ACOT7: variants seen among roughly 807,000 people sequenced by gnomAD.
The protein encoded by ACOT7 is cytosolic acyl coenzyme A thioester hydrolase.
A neutral mutation model predicts 40.2 loss-of-function variants in ACOT7; 12 were observed. That is an observed-to-expected ratio of 0.30 (90% CI 0.19 to 0.48). The LOEUF (loss-of-function observed/expected upper bound fraction) is 0.48, where lower values mean the gene tolerates loss of function less well. ACOT7 is among the 20% of genes least tolerant of loss of function. The pLI, the probability that ACOT7 is intolerant of heterozygous loss-of-function variation, is 0.99. For missense variants in ACOT7, 395 were observed against 530.8 expected (o/e 0.74, Z 2.51); for synonymous variants, 228 against 219.5 (o/e 1.04, Z -0.34).
chr1:6,353,845 C>T (rs1215752332), intron 1 of ACOT7, among the ~76,000 whole-genome samples: 1 of 152,044 alleles, frequency 6.6e-6, no homozygotes, highest in African/African-American at 2.4e-5. Flanking sequence ...CTCCTCTGAC[C>T]CCAGAAACTT....
chr1:6,290,715 C>T (rs1238337356), intron 7 of ACOT7, among the ~76,000 whole-genome samples: 6 of 152,190 alleles, frequency 3.9e-5, no homozygotes, highest in Non-Finnish European at 8.8e-5. Flanking sequence ...ACGTCACATC[C>T]GTTCTCACTT....
intron 1 of ACOT7, among the ~76,000 whole-genome samples, chr1:6,366,353 T>C (rs1468625191): frequency 2.0e-5 from 3 of 151,398 alleles, no homozygotes; most frequent in Non-Finnish European, 3.0e-5. Flanking sequence ...GACCCCGAGG[T>C]GGGAGAATCG....
chr1:6,323,308 G>C (rs1340549408), intron 5 of ACOT7, among the ~76,000 whole-genome samples: 1 of 152,126 alleles, frequency 6.6e-6, no homozygotes, highest in Non-Finnish European at 1.5e-5. Flanking sequence ...CAGTCATTTC[G>C]TGGCCCAGTG....
At chr1:6,354,645 T>C (rs1641688567) in intron 1 of ACOT7, among the ~76,000 whole-genome samples, 1 of 149,586 alleles carries the variant, frequency 6.7e-6, no homozygotes, top group African/African-American at 2.5e-5. Context: ...GCCTCTGCAC[T>C]GGCCTCTCAC....
chr1:6,269,402 C>T (rs1228333658), intron 8 of ACOT7, among the ~76,000 whole-genome samples: 2 of 152,204 alleles, frequency 1.3e-5, no homozygotes, highest in Non-Finnish European at 2.9e-5. Flanking sequence ...CTCCCCCAGG[C>T]GGGGGCCCTG....
In ACOT7 at chr1:6,393,505, C is replaced by G. The variant is rs920067624; in HGVS notation, c.-106G>C. On this transcript the variant is annotated 5_prime_UTR_variant, in exon 1 of 9. Coordinates refer to ENST00000361521, the MANE Select transcript of ACOT7 (RefSeq NM_007274.4). ...GCGCCGACCCCGCCCCCGCGCCGGC[C>G]CCACCCCGAGCCCCGCCTCCCAGGC... 2.8e-6 allele frequency: 3 copies of G among 1,053,060 alleles called. No individual in the cohort carries two copies. In the African/African-American group the frequency reaches 5.0e-5, roughly 18 times the overall value. The allele number at this position is 1,053,060 out of a possible 1,614,324, so 65.2% of individuals were successfully genotyped here. A position where few individuals can be genotyped will look rare whatever the true frequency, so the allele number is the denominator to read the frequency against.
At chr1:6,343,670 C>T (rs1308705309) in intron 2 of ACOT7, among the ~76,000 whole-genome samples, 4 of 152,266 alleles carry the variant, frequency 2.6e-5, no homozygotes, top group African/African-American at 7.2e-5. Flanking sequence ...AATTAGGCAC[C>T]GCCTCTGGGC....
At chr1:6,364,992 C>T (rs1641971508) in intron 1 of ACOT7, among the ~76,000 whole-genome samples, 1 of 151,534 alleles carries the variant, frequency 6.6e-6, no homozygotes, top group South Asian at 2.1e-4. Context: ...CACTGCACTC[C>T]AGCCTGAGCA....
chr1:6,370,273 T>G (rs1247844926), intron 1 of ACOT7, among the ~76,000 whole-genome samples: 1 of 152,130 alleles, frequency 6.6e-6, no homozygotes, highest in African/African-American at 2.4e-5. Flanking sequence ...CCATGCTTCC[T>G]GTACAGCTTG....
chr1:6,389,203 A>C (rs900004828), intron 1 of ACOT7, among the ~76,000 whole-genome samples: 9 of 152,198 alleles, frequency 5.9e-5, no homozygotes, highest in African/African-American at 1.7e-4. Flanking sequence ...TCATGGTACC[A>C]CATGGTACAA....
chr1:6,291,552 C>T (rs891037822), intron 7 of ACOT7, among the ~76,000 whole-genome samples: 27 of 152,338 alleles, frequency 1.8e-4, no homozygotes, highest in African/African-American at 6.3e-4. Context: ...CCATTCTCTA[C>T]AGTACAAAGC....
At position 6,275,256 on chromosome 1, in the gene ACOT7, A is replaced by G. The variant is rs1419253859; in HGVS notation, c.1014+5846T>C. On this transcript the variant is annotated intron_variant, in intron 8 of 8. Transcript: ENST00000361521. This position sits in a 1 kb window ranked among gnomAD's most constrained non-coding sequence, Gnocchi z 5.6. Reference sequence around the variant, plus strand: ...GCCCTGGCTTCCTAACCAGAAAACAAACCTGCTGAGAATGGCCCCCGGCCT... The same window carrying G: ...GCCCTGGCTTCCTAACCAGAAAACAGACCTGCTGAGAATGGCCCCCGGCCT... Among the ~76,000 whole-genome samples, 1 of 152,116 alleles carries G rather than the reference A, an allele frequency of 6.6e-6. No individual in the cohort carries two copies. Among genetic ancestry groups the G allele is most frequent in the Non-Finnish European group, 1.5e-5 (1 of 68,014 alleles).
chr1:6,383,483 G>A lies in ACOT7; in HGVS notation c.143+9774C>T, dbSNP rs145955361. Among the ~76,000 whole-genome samples the A allele has an allele frequency of 3.1e-4, 47 of 151,244 alleles. 1 individual carries two copies. Among genetic ancestry groups the A allele is most frequent in the Middle Eastern group, 3.4e-3 (1 of 294 alleles). ...ATTACAGGCGTGAGTCACCGCGCCC[G>A]GCCTGATGGCAGATTTTTTTAACGG... On this transcript the variant is annotated intron_variant, in intron 1 of 8. Transcript: ENST00000361521.
intron 3 of ACOT7, among the ~76,000 whole-genome samples, chr1:6,335,782 C>T (rs564744907): frequency 1.3e-5 from 2 of 152,320 alleles, no homozygotes; most frequent in South Asian, 2.1e-4. Flanking sequence ...ACCTTGGGAA[C>T]GTGGGGCTCC....
At chr1:6,366,138 C>T (rs1215439583) in intron 1 of ACOT7, among the ~76,000 whole-genome samples, 2 of 151,942 alleles carry the variant, frequency 1.3e-5, no homozygotes, top group African/African-American at 2.4e-5. Context: ...TCAGGTGATC[C>T]GCCCACCTCA....
chr1:6,371,783 G>A (rs918156374), intron 1 of ACOT7, among the ~76,000 whole-genome samples: 11 of 151,954 alleles, frequency 7.2e-5, no homozygotes, highest in African/African-American at 2.7e-4. Flanking sequence ...AGGGGCTCAC[G>A]CCTGTAATCT....
At chr1:6,361,579 A>C (rs1641895505) in intron 1 of ACOT7, among the ~76,000 whole-genome samples, 1 of 152,184 alleles carries the variant, frequency 6.6e-6, no homozygotes, top group African/African-American at 2.4e-5. Flanking sequence ...CAGGCGGATC[A>C]TCTGAGGTGA....
chr1:6,315,032 T>C (rs545382950), intron 6 of ACOT7, among the ~76,000 whole-genome samples: 1 of 152,274 alleles, frequency 6.6e-6, no homozygotes, highest in Non-Finnish European at 1.5e-5. Context: ...GTTCTGTCCA[T>C]GCAACCAGGA....
chr1:6,292,090 G>A (rs1639682636), intron 7 of ACOT7, among the ~76,000 whole-genome samples: 1 of 152,230 alleles, frequency 6.6e-6, no homozygotes, highest in South Asian at 2.1e-4. Flanking sequence ...AACGGCCCCT[G>A]GATGTGACAG....
Sources: allele counts gnomAD v4.1 joint callset (sites outside exome capture counted in the v4.1 genomes callset), GRCh38; gene constraint gnomAD v4.1.1; non-coding constraint Gnocchi (gnomAD v3.1); transcripts MANE v1.5; gene names NCBI Gene and HGNC (gene_info 2026-07-23, HGNC 2026-07-21).